The following PLCB4 variants were observed in gnomAD, a reference collection of about 807,000 sequenced individuals.
The protein encoded by PLCB4 is 1-phosphatidylinositol 4,5-bisphosphate phosphodiesterase beta-4.
PLCB4 carries 77 observed loss-of-function variants against 178.8 expected under a neutral mutation model. The observed-to-expected ratio is 0.43, with a 90% CI of 0.36 to 0.52. The LOEUF is 0.52. PLCB4 is among the 20% of genes least tolerant of loss of function. The probability of loss-of-function intolerance (pLI) is 0.00; values close to 1 mark genes in which losing one functional copy is unlikely to be tolerated. For synonymous variants in PLCB4, 496 were observed against 490.8 expected (o/e 1.01, Z -0.14); for missense variants, 1,024 against 1,453.4 (o/e 0.70, Z 4.80).
intron 19 of PLCB4, among the ~76,000 whole-genome samples, chr20:9,396,798 C>G (rs1460481004): frequency 6.6e-6 from 1 of 152,112 alleles, no homozygotes; most frequent in African/African-American, 2.4e-5. Flanking sequence ...AGTAAGTGTT[C>G]AATAACAGCA....
At chr20:9,151,242 A>T (rs369148386) in intron 2 of PLCB4, among the ~76,000 whole-genome samples, 1 of 152,210 alleles carries the variant, frequency 6.6e-6, no homozygotes, top group Admixed American at 6.5e-5. Flanking sequence ...GAGAACGTGC[A>T]TAGGTTATAT....
intron 2 of PLCB4, among the ~76,000 whole-genome samples, chr20:9,112,915 G>C (rs2091633790): frequency 6.6e-6 from 1 of 151,664 alleles, no homozygotes; most frequent in African/African-American, 2.4e-5. Flanking sequence ...TTCTCAAATT[G>C]GTACGTATAA....
intron 3 of PLCB4, among the ~76,000 whole-genome samples, chr20:9,245,282 A>AGATT (rs1322160809): frequency 6.6e-6 from 1 of 152,170 alleles, no homozygotes; most frequent in African/African-American, 2.4e-5. Flanking sequence ...GTGAGGAAAT[A>AGATT]GATTCCACTT....
chr20:9,389,542 G>C (rs566169399), intron 15 of PLCB4, among the ~76,000 whole-genome samples: 5 of 152,300 alleles, frequency 3.3e-5, no homozygotes, highest in Non-Finnish European at 2.9e-5. Context: ...GAGATCACCT[G>C]CTCCTCAAGA....
At chr20:9,275,289 C>T (rs576878223) in intron 3 of PLCB4, among the ~76,000 whole-genome samples, 1 of 152,128 alleles carries the variant, frequency 6.6e-6, no homozygotes, top group Admixed American at 6.6e-5. Flanking sequence ...AAGACTTATT[C>T]AGTATCACAA....
rs764560567 is a variant in PLCB4, at chr20:9,228,799, G to A, written c.-16+11347G>A. Among the ~76,000 whole-genome samples, 3 of 152,164 alleles carry A rather than the reference G, an allele frequency of 2.0e-5. No homozygotes were observed. The South Asian group carries it at 6.2e-4, about 32-fold the overall frequency. On this transcript the variant is annotated intron_variant, in intron 3 of 39. Transcript: ENST00000378473. ...AACTAAAGGAGGAAGAAAGAAATGG[G>A]CTAGGGCAGAAGGCCCAGGGCCATC...
In PLCB4 at chr20:9,437,135, G is replaced by A; in HGVS notation, c.2747G>A (p.Gly916Asp). The A allele has an allele frequency of 6.2e-7, 1 of 1,613,930 alleles. No homozygotes were observed. Among genetic ancestry groups the A allele is most frequent in the Non-Finnish European group, 8.5e-7 (1 of 1,179,926 alleles). The change falls in exon 30 of 40, where the codon GGT becomes GAT. Residue 916 changes from glycine (G) to aspartate (D), a missense_variant. This residue lies in a region of PLCB4 where 227 missense variants were observed against 374.3 expected (regional missense o/e 0.61). Coordinates refer to ENST00000378473, the MANE Select transcript of PLCB4 (RefSeq NM_001377142.1). ...RPTTTAALASGVEAKKGIELI... is the reference protein window; with the variant it reads ...RPTTTAALASDVEAKKGIELI... ...ACCACCACGGCTGCCCTGGCCTCTG[G>A]TGTGGAAGCCAAGAAAGGTGAGAGA...
chr20:9,147,393 A>T (rs2092617040), intron 2 of PLCB4, among the ~76,000 whole-genome samples: 1 of 152,144 alleles, frequency 6.6e-6, no homozygotes, highest in African/African-American at 2.4e-5. Context: ...ATAATGCTGC[A>T]TAATAAGCAA....
intron 7 of PLCB4, 152 bp from the exon 8 acceptor site, chr20:9,362,744 C>T (rs901323503): frequency 2.0e-5 from 12 of 606,672 alleles, no homozygotes; most frequent in Non-Finnish European, 3.2e-5. Context: ...AAATATGAGC[C>T]TGCAAAATAT....
Position 9,419,213 on chromosome 20 carries a change from C to A in PLCB4, c.2052-594C>A, listed in dbSNP as rs79235776. Among the ~76,000 whole-genome samples the A allele has an allele frequency of 4.7e-3, 714 of 152,076 alleles. 6 individuals carry two copies. Among genetic ancestry groups the A allele is most frequent in the South Asian group, 7.9e-3 (38 of 4,820 alleles). On this transcript the variant is annotated intron_variant, in intron 25 of 39. Coordinates refer to ENST00000378473, the MANE Select transcript of PLCB4 (RefSeq NM_001377142.1). ...AGAAATAATTTATTTTTATTTTCAC[C>A]TACCTCTAGCTGAAATGTCAATTAC...
chr20:9,081,161 G>A (rs1024818523), intron 1 of PLCB4, among the ~76,000 whole-genome samples: 1 of 152,160 alleles, frequency 6.6e-6, no homozygotes. Context: ...ACAGTTTACT[G>A]GAGGAGACAA....
At chr20:9,398,890 C>T (rs1338108888) in intron 19 of PLCB4, among the ~76,000 whole-genome samples, 1 of 152,192 alleles carries the variant, frequency 6.6e-6, no homozygotes, top group Non-Finnish European at 1.5e-5. Context: ...ACCGATTGCA[C>T]TAAGATTCAA....
At chr20:9,155,511 G>A (rs1348136589) in intron 2 of PLCB4, among the ~76,000 whole-genome samples, 2 of 152,152 alleles carry the variant, frequency 1.3e-5, no homozygotes, top group African/African-American at 4.8e-5. Flanking sequence ...CAGTGTCCCA[G>A]GGAGGAAAAG....
chr20:9,281,827 A>G (rs1404088281), intron 3 of PLCB4, among the ~76,000 whole-genome samples: 1 of 151,982 alleles, frequency 6.6e-6, no homozygotes, highest in Non-Finnish European at 1.5e-5. Flanking sequence ...CACACTCTAA[A>G]ATTTCAATAA....
chr20:9,438,293 G>A (rs1403228574), intron 30 of PLCB4, among the ~76,000 whole-genome samples: 2 of 151,954 alleles, frequency 1.3e-5, no homozygotes, highest in East Asian at 3.9e-4. Context: ...GTGAGCCCGG[G>A]AGGCGGAGCT....
At chr20:9,463,486 G>C (rs2043540924) in intron 35 of PLCB4, among the ~76,000 whole-genome samples, 1 of 149,828 alleles carries the variant, frequency 6.7e-6, no homozygotes, top group South Asian at 2.1e-4. Flanking sequence ...TGGATTAAGA[G>C]TCAAGACCCA....
intron 3 of PLCB4, among the ~76,000 whole-genome samples, chr20:9,221,084 G>A (rs1471546522): frequency 2.6e-5 from 4 of 151,660 alleles, no homozygotes; most frequent in Non-Finnish European, 4.4e-5. Flanking sequence ...TCAAGGCAGG[G>A]CTCCCAGGAG....
At chr20:9,259,344 A>C (rs903408709) in intron 3 of PLCB4, among the ~76,000 whole-genome samples, 5 of 152,320 alleles carry the variant, frequency 3.3e-5, no homozygotes, top group African/African-American at 7.2e-5. Context: ...AATTTTAAAA[A>C]CGTGTAAAAA....
At chr20:9,249,295 T>A (rs1342010836) in intron 3 of PLCB4, among the ~76,000 whole-genome samples, 1 of 152,164 alleles carries the variant, frequency 6.6e-6, no homozygotes, top group Non-Finnish European at 1.5e-5. Context: ...TATGTATACA[T>A]GTGCCATGTT....
Sources: gnomAD v4.1 joint callset for allele counts (sites outside exome capture counted in the v4.1 genomes callset) on GRCh38, gnomAD v4.1.1 for gene constraint, gnomAD v4.1.1 regional missense constraint, MANE v1.5 for transcripts, NCBI Gene and HGNC (gene_info 2026-07-23, HGNC 2026-07-21) for gene names.